Variants in YAP1 observed in about 807,000 individuals in gnomAD.
YAP1 encodes the protein transcriptional coactivator YAP1.
In YAP1, 5 loss-of-function variants were observed where a neutral mutation model predicts 56.9. The observed-to-expected ratio is 0.09, with a 90% CI of 0.05 to 0.18. The LOEUF (loss-of-function observed/expected upper bound fraction) is 0.18, where lower values mean the gene tolerates loss of function less well. Among genes scored for constraint, YAP1 ranks in the 10% least tolerant of loss-of-function variants. YAP1 has a pLI of 1.00. For synonymous variants in YAP1, 265 were observed against 248.1 expected, an observed-to-expected ratio of 1.07 and a Z score of -0.64; for missense variants, 539 against 651.8, an observed-to-expected ratio of 0.83 and a Z score of 1.88.
chr11:102,212,650 T>A (rs545564317), intron 6 of YAP1, among the ~76,000 whole-genome samples: 1 of 152,178 alleles, frequency 6.6e-6, no homozygotes, highest in African/African-American at 2.4e-5. Context: ...AATGGCATGA[T>A]CTCTGCTCAC....
chr11:102,114,164 T>G lies in YAP1; in HGVS notation c.342T>G (p.Thr114=). The G allele has an allele frequency of 6.2e-7, 1 of 1,613,986 alleles. No homozygotes were observed. The highest frequency in any genetic ancestry group is 8.5e-7 in the Non-Finnish European group (1 of 1,179,852). ...HSRQASTDAG[T]AGALTPQHVR... is the part of the protein sequence containing the mutation. ...AATAGGCCAGTACTGATGCAGGCACTGCAGGAGCCCTGACTCCACAGCATG... is the reference window on the plus strand; with the variant it reads ...AATAGGCCAGTACTGATGCAGGCACGGCAGGAGCCCTGACTCCACAGCATG... Residue 114 remains threonine, a synonymous_variant, in exon 2 of 9, where the codon ACT becomes ACG. Transcript: ENST00000282441.
chr11:102,209,593 G>GTA, intron 6 of YAP1, 29 bp downstream of exon 6: 1 of 1,414,274 alleles, frequency 7.1e-7, no homozygotes, highest in Non-Finnish European at 9.4e-7. Flanking sequence ...TTTTAGCACT[G>GTA]GAAAAAAAAA....
chr11:102,162,874 C>T (rs1272031456), intron 3 of YAP1, among the ~76,000 whole-genome samples: 1 of 152,126 alleles, frequency 6.6e-6, no homozygotes, highest in African/African-American at 2.4e-5. Flanking sequence ...TTTTATTCTG[C>T]TGCTTTCTTG....
In YAP1 at chr11:102,205,890, C is replaced by A; in HGVS notation, c.803-3C>A. On this transcript the variant is annotated splice_polypyrimidine_tract_variant and splice_region_variant and intron_variant, in intron 4 of 8. Transcript: ENST00000282441. ...ACAGATTTTTTTTTTCTTTTCATTT[C>A]AGCCATGAACCAGAGAATCAGTCAG... The A allele has an allele frequency of 6.8e-7, 1 of 1,460,106 alleles. No homozygotes were observed. Among genetic ancestry groups the A allele is most frequent in the South Asian group, 1.5e-5 (1 of 67,146 alleles). 90.4% of individuals were successfully genotyped at this position (1,460,106 alleles called of 1,614,324 possible).
intron 4 of YAP1, among the ~76,000 whole-genome samples, chr11:102,189,870 T>C (rs753637623): frequency 6.6e-6 from 1 of 152,224 alleles, no homozygotes; most frequent in African/African-American, 2.4e-5. Flanking sequence ...TATTTGGCAT[T>C]AATAATTAAA....
intron 5 of YAP1, among the ~76,000 whole-genome samples, chr11:102,207,088 A>G (rs1051181681): frequency 2.6e-5 from 4 of 152,136 alleles, no homozygotes; most frequent in African/African-American, 9.7e-5. Context: ...CTAAGTTCAG[A>G]TATTGGAGAT....
At chr11:102,128,524 C>T (rs1385321591) in intron 2 of YAP1, among the ~76,000 whole-genome samples, 1 of 152,198 alleles carries the variant, frequency 6.6e-6, no homozygotes, top group Non-Finnish European at 1.5e-5. Context: ...TCTTCCCAGT[C>T]TCAGGTATAT....
chr11:102,143,726 G>T lies in YAP1; in HGVS notation c.573-18730G>T, dbSNP rs145788882. Among the ~76,000 whole-genome samples, 179 of 152,326 alleles carry T rather than the reference G, an allele frequency of 1.2e-3. 1 individual carries two copies. In the East Asian group the frequency reaches 0.019, roughly 16 times the overall value. ...CATCTTGTTTTATCTGAAAACCAGT[G>T]TTTTAATCGAACAGGTTACTTGTTA... is the stretch of plus-strand genomic sequence containing the variant. On this transcript the variant is annotated intron_variant, in intron 2 of 8. Transcript: ENST00000282441.
chr11:102,169,551 G>A (rs1472564938), intron 3 of YAP1, among the ~76,000 whole-genome samples: 2 of 152,196 alleles, frequency 1.3e-5, no homozygotes, highest in African/African-American at 4.8e-5. Context: ...CCCAAAGTCA[G>A]AGCAATGAAG....
intron 3 of YAP1, among the ~76,000 whole-genome samples, chr11:102,165,479 A>G (rs547048515): frequency 6.6e-6 from 1 of 152,300 alleles, no homozygotes; most frequent in African/African-American, 2.4e-5. Flanking sequence ...TAAAGAGGTG[A>G]CTTTGACACA....
intron 5 of YAP1, among the ~76,000 whole-genome samples, chr11:102,207,156 A>G (rs1417857742): frequency 6.6e-6 from 1 of 152,154 alleles, no homozygotes; most frequent in Non-Finnish European, 1.5e-5. Flanking sequence ...ATTTTTTTGA[A>G]TAGATAATAG....
intron 4 of YAP1, among the ~76,000 whole-genome samples, chr11:102,201,753 A>G (rs1236666184): frequency 6.6e-6 from 1 of 152,194 alleles, no homozygotes; most frequent in East Asian, 1.9e-4. Context: ...CTAAATCTGA[A>G]TTGGAAATAT....
At position 102,179,761 on chromosome 11, in the gene YAP1, G is replaced by A. The variant is rs116988936; in HGVS notation, c.689-6257G>A. On this transcript the variant is annotated intron_variant, in intron 3 of 8. Transcript: ENST00000282441. ...CCAACATTGTACTGTCTTCTATCTG[G>A]AACATAAATTCCATCAGATAGGGAC... Among the ~76,000 whole-genome samples, 297 of 151,844 alleles carry A rather than the reference G, an allele frequency of 2.0e-3. 2 individuals carry two copies. Among genetic ancestry groups the A allele is most frequent in the Non-Finnish European group, 3.5e-3 (235 of 67,944 alleles).
chr11:102,221,577 G>C (rs1310350318), intron 6 of YAP1, among the ~76,000 whole-genome samples: 1 of 152,008 alleles, frequency 6.6e-6, no homozygotes, highest in Non-Finnish European at 1.5e-5. Flanking sequence ...CAAAAAATTA[G>C]CTGGGTATGG....
intron 1 of YAP1, among the ~76,000 whole-genome samples, chr11:102,112,972 C>G (rs150460127): frequency 8.0e-4 from 122 of 152,290 alleles, no homozygotes; most frequent in African/African-American, 2.5e-3. Flanking sequence ...TTCTAAAATT[C>G]ATAAACTATT....
chr11:102,225,918 A>G (rs948729301), intron 7 of YAP1, among the ~76,000 whole-genome samples: 1 of 152,218 alleles, frequency 6.6e-6, no homozygotes, highest in African/African-American at 2.4e-5. Context: ...TGTTTACTGA[A>G]TGAGTGGGGC....
intron 2 of YAP1, among the ~76,000 whole-genome samples, chr11:102,119,736 A>C (rs1270216179): frequency 6.6e-6 from 1 of 152,074 alleles, no homozygotes; most frequent in Non-Finnish European, 1.5e-5. Flanking sequence ...AAATAATGTG[A>C]ATTCACAGCT....
intron 1 of YAP1, 31 bp downstream of exon 1, chr11:102,111,200 C>G (rs1414586190): frequency 1.2e-6 from 2 of 1,608,898 alleles, no homozygotes; most frequent in Admixed American, 1.7e-5. Context: ...CCCGTTTCCC[C>G]GTCGGGCGGG....
At chr11:102,210,416 C>T (rs888403959) in intron 6 of YAP1, among the ~76,000 whole-genome samples, 2 of 152,176 alleles carry the variant, frequency 1.3e-5, no homozygotes, top group African/African-American at 4.8e-5. Context: ...CAAAATTCTA[C>T]TCATTTTGGA....
Sources: gnomAD v4.1 joint callset for allele counts (sites outside exome capture counted in the v4.1 genomes callset) on GRCh38, gnomAD v4.1.1 for gene constraint, MANE v1.5 for transcripts, NCBI Gene and HGNC (gene_info 2026-07-23, HGNC 2026-07-21) for gene names.